Variants in CA10 observed in about 807,000 individuals in gnomAD.
The protein encoded by CA10 is carbonic anhydrase-related protein 10.
In CA10, 14 loss-of-function variants were observed where a neutral mutation model predicts 44.2. That is an observed-to-expected ratio of 0.32 (90% CI 0.21 to 0.50). CA10 has a LOEUF of 0.50. Ranked by LOEUF, CA10 falls within the 20% of genes least tolerant of loss-of-function variation. CA10 has a pLI of 0.99. For missense variants in CA10, 350 were observed against 409.7 expected, an observed-to-expected ratio of 0.85 and a Z score of 1.26; for synonymous variants, 159 against 141.6, an observed-to-expected ratio of 1.12 and a Z score of -0.87.
At chr17:52,100,913 T>C (rs1180004514) in intron 1 of CA10, among the ~76,000 whole-genome samples, 2 of 152,344 alleles carry the variant, frequency 1.3e-5, no homozygotes, top group Non-Finnish European at 2.9e-5. Flanking sequence ...AATAATGATA[T>C]CTTCATTGTC....
chr17:52,118,649 G>A (rs930412036), intron 1 of CA10, among the ~76,000 whole-genome samples: 2 of 151,936 alleles, frequency 1.3e-5, no homozygotes, highest in African/African-American at 4.8e-5. Flanking sequence ...TTATAATTTA[G>A]GGAATAATAT....
chr17:51,786,052 G>A (rs187373193), intron 3 of CA10, among the ~76,000 whole-genome samples: 97 of 152,108 alleles, frequency 6.4e-4, no homozygotes, highest in East Asian at 3.7e-3. Context: ...AAATTCCTAG[G>A]TATTTAATTT....
intron 2 of CA10, among the ~76,000 whole-genome samples, chr17:51,980,227 C>A (rs1372262815): frequency 6.6e-6 from 1 of 152,164 alleles, no homozygotes; most frequent in Non-Finnish European, 1.5e-5. Context: ...GCCATTCTGA[C>A]TGGTGTGAGA....
rs116556641 is a variant in CA10, at chr17:51,862,290, G to A, written c.279+68700C>T. 6.6e-3 allele frequency among the ~76,000 whole-genome samples: 1,002 copies of A among 152,212 alleles called. 10 individuals carry two copies. Among genetic ancestry groups the A allele is most frequent in the African/African-American group, 0.023 (952 of 41,526 alleles). Reference sequence around the variant, plus strand: ...GGACTGCTTGAATCTAGAATCAGACGGGAGAGTCCCTTTTGCACTGAGATT... The same window carrying A: ...GGACTGCTTGAATCTAGAATCAGACAGGAGAGTCCCTTTTGCACTGAGATT... On this transcript the variant is annotated intron_variant, in intron 3 of 8. Coordinates refer to ENST00000451037, the MANE Select transcript of CA10 (RefSeq NM_020178.5).
intron 4 of CA10, among the ~76,000 whole-genome samples, chr17:51,729,328 C>T (rs753198626): frequency 1.3e-5 from 2 of 151,926 alleles, no homozygotes; most frequent in African/African-American, 2.4e-5. Flanking sequence ...TTTTCAGATG[C>T]TTAAACTTTT....
At chr17:51,790,130 G>C (rs756007584) in intron 3 of CA10, among the ~76,000 whole-genome samples, 1 of 152,176 alleles carries the variant, frequency 6.6e-6, no homozygotes. Context: ...TGGGGAGCCA[G>C]GACTCACTCT....
chr17:51,896,141 G>A (rs534985188), intron 3 of CA10, among the ~76,000 whole-genome samples: 36 of 152,032 alleles, frequency 2.4e-4, no homozygotes, highest in African/African-American at 8.4e-4. Context: ...TTGGTATATA[G>A]GTAAATTGCA....
chr17:51,664,079 T>C (rs1420955684), intron 4 of CA10, among the ~76,000 whole-genome samples: 3 of 152,216 alleles, frequency 2.0e-5, no homozygotes, highest in Admixed American at 6.5e-5. Flanking sequence ...TTTTGTTAAA[T>C]ATTAAGTCAT....
intron 4 of CA10, among the ~76,000 whole-genome samples, chr17:51,689,436 G>GATT (rs1413431483): frequency 3.3e-5 from 5 of 152,292 alleles, no homozygotes; most frequent in African/African-American, 1.2e-4. Context: ...ATGAATGAAT[G>GATT]ATTACATGAA....
intron 4 of CA10, among the ~76,000 whole-genome samples, chr17:51,714,842 T>A (rs539256735): frequency 6.6e-6 from 1 of 152,356 alleles, no homozygotes; most frequent in Non-Finnish European, 1.5e-5. Flanking sequence ...ATTACGGCTC[T>A]TCCTTCACAT....
chr17:51,725,949 T>C (rs1169008548), intron 4 of CA10, among the ~76,000 whole-genome samples: 4 of 147,112 alleles, frequency 2.7e-5, no homozygotes, highest in Non-Finnish European at 6.0e-5. Flanking sequence ...AGAACACACT[T>C]ACACATTCTG....
chr17:51,971,357 CA>C (rs1480949542), intron 2 of CA10, among the ~76,000 whole-genome samples: 1 of 152,158 alleles, frequency 6.6e-6, no homozygotes, highest in East Asian at 1.9e-4. Context: ...ATAAGAAGCA[CA>C]AAATACTTAG....
At chr17:51,993,474 A>T (rs1985116170) in intron 2 of CA10, among the ~76,000 whole-genome samples, 1 of 152,048 alleles carries the variant, frequency 6.6e-6, no homozygotes, top group Non-Finnish European at 1.5e-5. Flanking sequence ...ACATGAGGTC[A>T]CTTTGGAGAA....
chr17:51,780,030 A>G (rs1429680587), intron 3 of CA10, among the ~76,000 whole-genome samples: 2 of 152,110 alleles, frequency 1.3e-5, no homozygotes, highest in African/African-American at 4.8e-5. Context: ...ACAGGAAGGA[A>G]CATCACGATT....
intron 3 of CA10, among the ~76,000 whole-genome samples, chr17:51,849,220 CAT>C (rs1232587305): frequency 2.4e-4 from 5 of 20,724 alleles, no homozygotes; most frequent in African/African-American, 9.2e-4. Flanking sequence ...TATATATATA[CAT>C]ATATGTGTGT....
chr17:51,886,247 G>A (rs1980594516), intron 3 of CA10, among the ~76,000 whole-genome samples: 1 of 152,152 alleles, frequency 6.6e-6, no homozygotes, highest in Non-Finnish European at 1.5e-5. Flanking sequence ...AGATATAGAT[G>A]AGAAGGAGTG....
At chr17:52,020,050 A>G (rs1745365279) in intron 2 of CA10, among the ~76,000 whole-genome samples, 1 of 151,828 alleles carries the variant, frequency 6.6e-6, no homozygotes, top group South Asian at 2.1e-4. Flanking sequence ...AGTTTTGTCA[A>G]TTTTTGCTTT....
intron 4 of CA10, among the ~76,000 whole-genome samples, chr17:51,697,743 A>C (rs1393917160): frequency 6.6e-6 from 1 of 152,012 alleles, no homozygotes; most frequent in Non-Finnish European, 1.5e-5. Context: ...TATTCACTGA[A>C]TGAATAAACA....
At chr17:51,746,848 G>A (rs1904706768) in intron 4 of CA10, among the ~76,000 whole-genome samples, 1 of 152,134 alleles carries the variant, frequency 6.6e-6, no homozygotes, top group Non-Finnish European at 1.5e-5. Flanking sequence ...AACACCACAT[G>A]CAATACATAT....
Sources: gnomAD v4.1 joint callset for allele counts (sites outside exome capture counted in the v4.1 genomes callset) on GRCh38, gnomAD v4.1.1 for gene constraint, MANE v1.5 for transcripts, NCBI Gene and HGNC (gene_info 2026-07-23, HGNC 2026-07-21) for gene names.